The following ATP6V1A variants were observed in gnomAD, a reference collection of about 807,000 sequenced individuals.
The protein encoded by ATP6V1A is V-type proton ATPase catalytic subunit A.
ATP6V1A carries 18 observed loss-of-function variants against 70.1 expected under a neutral mutation model. That is an observed-to-expected ratio of 0.26 (90% CI 0.18 to 0.38). The LOEUF (loss-of-function observed/expected upper bound fraction) is 0.38, where lower values mean the gene tolerates loss of function less well. Ranked by LOEUF, ATP6V1A falls within the 10% of genes least tolerant of loss-of-function variation. The probability of loss-of-function intolerance (pLI) is 1.00; values close to 1 mark genes in which losing one functional copy is unlikely to be tolerated. For missense variants in ATP6V1A, 424 were observed against 772.4 expected (o/e 0.55, Z 5.35); for synonymous variants, 232 against 253.8 (o/e 0.91, Z 0.82).
intron 4 of ATP6V1A, 123 bp from the exon 5 acceptor site, chr3:113,784,573 T>G (rs959994192): frequency 1.4e-6 from 2 of 1,417,880 alleles, no homozygotes; most frequent in Non-Finnish European, 1.9e-6. Context: ...TTAACTCTAC[T>G]TCATGGGATT....
At chr3:113,783,461 T>C (rs1709003252) in intron 3 of ATP6V1A, among the ~76,000 whole-genome samples, 1 of 152,218 alleles carries the variant, frequency 6.6e-6, no homozygotes, top group African/African-American at 2.4e-5. Flanking sequence ...ATTCTTAAGA[T>C]TTTAGGTTTT....
At chr3:113,804,370 G>C (rs1214658785) in intron 13 of ATP6V1A, among the ~76,000 whole-genome samples, 1 of 152,042 alleles carries the variant, frequency 6.6e-6, no homozygotes, top group Non-Finnish European at 1.5e-5. Flanking sequence ...CATTTCCCAA[G>C]AGTCCTATTG....
intron 5 of ATP6V1A, 94 bp downstream of exon 5, chr3:113,784,927 T>C: frequency 1.5e-6 from 2 of 1,330,290 alleles, no homozygotes; most frequent in South Asian, 1.6e-5. Context: ...AGAATTGATA[T>C]TTAATACATA....
intron 13 of ATP6V1A, among the ~76,000 whole-genome samples, chr3:113,804,908 C>G (rs576131826): frequency 4.6e-4 from 70 of 152,292 alleles, no homozygotes; most frequent in African/African-American, 1.5e-3. Context: ...CAGGAACTTG[C>G]AGTTTCCTGC....
chr3:113,794,974 G>A lies in ATP6V1A; in HGVS notation c.1091G>A (p.Arg364His). The part of the protein sequence containing the change: ...WAEALREISG[R>H]LAEMPADSGY... ...GAGGCCCTTAGAGAAATCTCTGGTCGTTTAGCTGAAATGCCTGCAGGTAAG... is the reference window on the plus strand; with the variant it reads ...GAGGCCCTTAGAGAAATCTCTGGTCATTTAGCTGAAATGCCTGCAGGTAAG... The change falls in exon 9 of 15, where the codon CGT (arginine) becomes CAT (histidine). Residue 364 changes from arginine (R) to histidine (H), a missense_variant. Arg to His is a conservative substitution (Grantham distance 29). Around this residue, in one of 9 missense-constraint regions of ATP6V1A, gnomAD observed 58 missense variants for 181.5 expected, o/e 0.32. Transcript: ENST00000273398. 1 of 1,613,676 alleles carries A rather than the reference G, an allele frequency of 6.2e-7. No individual in the cohort carries two copies. Among genetic ancestry groups the A allele is most frequent in the Non-Finnish European group, 8.5e-7 (1 of 1,179,858 alleles).
intron 12 of ATP6V1A, chr3:113,801,239 A>T (rs1393002169): frequency 0.043 from 6 of 138 alleles, no homozygotes; most frequent in South Asian, 0.25. Context: ...AAAAAAATTA[A>T]AAAAAAAACT....
At chr3:113,762,537 G>A (rs968031796) in intron 1 of ATP6V1A, among the ~76,000 whole-genome samples, 2 of 151,258 alleles carry the variant, frequency 1.3e-5, no homozygotes, top group East Asian at 3.9e-4. Context: ...CATTGCAGTC[G>A]ATCCTAGGCA....
At chr3:113,752,008 A>G (rs542081653) in intron 1 of ATP6V1A, among the ~76,000 whole-genome samples, 1 of 152,058 alleles carries the variant, frequency 6.6e-6, no homozygotes, top group Non-Finnish European at 1.5e-5. Context: ...TTTAAAAATC[A>G]CTATTATTTT....
intron 8 of ATP6V1A, among the ~76,000 whole-genome samples, chr3:113,791,581 C>G (rs1709092924): frequency 6.6e-6 from 1 of 151,966 alleles, no homozygotes; most frequent in Non-Finnish European, 1.5e-5. Context: ...GACTGTGTAC[C>G]AGGGTAGCAG....
chr3:113,778,749 ACATT>A lies in ATP6V1A; in HGVS notation c.-4_-1del. Reference sequence around the variant, plus strand: ...TTATTTATTTACTATAGGTAAACTAACATTATGGATTTTTCCAAGCTACCCAAAA... The same window carrying A: ...TTATTTATTTACTATAGGTAAACTAAATGGATTTTTCCAAGCTACCCAAAA... On this transcript the variant is annotated 5_prime_UTR_variant, in exon 2 of 15. Coordinates refer to ENST00000273398, the MANE Select transcript of ATP6V1A (RefSeq NM_001690.4). 6.4e-7 allele frequency: 1 copy of A among 1,572,312 alleles called. No individual in the cohort carries two copies. The highest frequency in any genetic ancestry group is 8.6e-7 in the Non-Finnish European group (1 of 1,159,300).
At chr3:113,752,053 T>A (rs1708593079) in intron 1 of ATP6V1A, among the ~76,000 whole-genome samples, 1 of 151,920 alleles carries the variant, frequency 6.6e-6, no homozygotes, top group Admixed American at 6.6e-5. Context: ...AAATTTCAGT[T>A]TTGGATCTTA....
chr3:113,793,269 G>C (rs1709117091), intron 8 of ATP6V1A, among the ~76,000 whole-genome samples: 1 of 152,012 alleles, frequency 6.6e-6, no homozygotes, highest in African/African-American at 2.4e-5. Flanking sequence ...CACCATGTTG[G>C]CCAGGCTGGT....
intron 1 of ATP6V1A, among the ~76,000 whole-genome samples, chr3:113,759,291 T>TC (rs1038914374): frequency 6.6e-6 from 1 of 151,396 alleles, no homozygotes; most frequent in African/African-American, 2.4e-5. Flanking sequence ...TTACGGGTTT[T>TC]TTTTTTTTTT....
At chr3:113,756,701 T>C (rs559694755) in intron 1 of ATP6V1A, among the ~76,000 whole-genome samples, 1 of 152,356 alleles carries the variant, frequency 6.6e-6, no homozygotes, top group South Asian at 2.1e-4. Context: ...GATTTATACA[T>C]TGAAATTCTA....
chr3:113,782,562 G>GTATATATATACGTATATATATACACA, intron 3 of ATP6V1A, among the ~76,000 whole-genome samples: 1 of 139,722 alleles, frequency 7.2e-6, no homozygotes, highest in East Asian at 2.0e-4. Flanking sequence ...ATATACATGT[G>GTATATATATACGTATATATATACACA]TATATATATA....
Position 113,805,542 on chromosome 3 carries a change from C to T in ATP6V1A, c.1761+17C>T. On this transcript the variant is annotated intron_variant, in intron 14 of 14. Transcript: ENST00000273398. ...AAATTCAAGGTATATTTTGTTTCTG[C>T]TGTAACTTTTTTTATTTGGAAATGC... 1 of 1,582,628 alleles carries T rather than the reference C, an allele frequency of 6.3e-7. No homozygotes were observed. The highest frequency in any genetic ancestry group is 8.6e-7 in the Non-Finnish European group (1 of 1,164,592).
At chr3:113,765,944 G>A (rs1577082951) in intron 1 of ATP6V1A, among the ~76,000 whole-genome samples, 2 of 151,374 alleles carry the variant, frequency 1.3e-5, no homozygotes, top group South Asian at 4.2e-4. Context: ...AAGGAGATGG[G>A]TAATTTAGGA....
chr3:113,792,770 A>T (rs949878211), intron 8 of ATP6V1A, among the ~76,000 whole-genome samples: 1 of 152,176 alleles, frequency 6.6e-6, no homozygotes, highest in Non-Finnish European at 1.5e-5. Flanking sequence ...CAACATCTTC[A>T]CCAATGCTAG....
intron 1 of ATP6V1A, among the ~76,000 whole-genome samples, chr3:113,763,014 A>G (rs1708723295): frequency 6.6e-6 from 1 of 152,132 alleles, no homozygotes. Context: ...AATAAACCCA[A>G]ATTGACCTTT....
Sources: gnomAD v4.1 joint callset for allele counts (sites outside exome capture counted in the v4.1 genomes callset) on GRCh38, gnomAD v4.1.1 for gene constraint, gnomAD v4.1.1 regional missense constraint, MANE v1.5 for transcripts, NCBI Gene and HGNC (gene_info 2026-07-23, HGNC 2026-07-21) for gene names.